The following ADGRE2 variants were observed in gnomAD, a reference collection of about 807,000 sequenced individuals.
The protein encoded by ADGRE2 is adhesion G protein-coupled receptor E2, also known as CD97 antigen.
Under a neutral mutation model 100.8 loss-of-function variants are expected in ADGRE2, and 83 were observed. That is an observed-to-expected ratio of 0.82 (90% CI 0.69 to 0.99). The LOEUF is 0.99. Among genes scored for constraint, ADGRE2 ranks in the 50% least tolerant of loss-of-function variants. The pLI is 0.00. For synonymous variants in ADGRE2, 355 were observed against 413.0 expected (o/e 0.86, Z 1.70); for missense variants, 814 against 1,035.7 (o/e 0.79, Z 2.94).
chr19:14,751,557 T>C lies in ADGRE2; in HGVS notation c.1903A>G (p.Asn635Asp). 1 of 1,614,046 alleles carries C rather than the reference T, an allele frequency of 6.2e-7. No individual in the cohort carries two copies. The highest frequency in any genetic ancestry group is 8.5e-7 in the Non-Finnish European group (1 of 1,179,994). ...FLTARNLTVV[N>D]YSSINRFMKK... ...ATGAATCTGTTGATGCTTGAGTAGTTGACCACCGTCAGGTTCCGTGCAGTG... is the reference window on the plus strand; with the variant it reads ...ATGAATCTGTTGATGCTTGAGTAGTCGACCACCGTCAGGTTCCGTGCAGTG... Residue 635 changes from asparagine (N) to aspartate (D), a missense_variant, in exon 16 of 21, where the codon AAC (asparagine) becomes GAC (aspartate). By Grantham distance (23) the Asn-to-Asp change is conservative (BLOSUM62 1). Around this residue, in one of 5 missense-constraint regions of ADGRE2, gnomAD observed 569 missense variants for 692.7 expected, o/e 0.82. Coordinates refer to ENST00000315576, the MANE Select transcript of ADGRE2 (RefSeq NM_013447.4).
rs1599790958 is a variant in ADGRE2 at position 14,743,413 on chromosome 19, A to C, written c.2463+7T>G. 6.2e-7 allele frequency: 1 copy of C among 1,612,654 alleles called. No homozygotes were observed. Among genetic ancestry groups the C allele is most frequent in the Non-Finnish European group, 8.5e-7 (1 of 1,178,706 alleles). On this transcript the variant is annotated splice_region_variant and intron_variant, in intron 20 of 20. Transcript: ENST00000315576. ...GTGAAGTGCTCTGGAGCAATGCGTG[A>C]TCTTACCGTGCTGGGTTTGGAGGTG...
Position 14,766,228 on chromosome 19 carries a change from T to G in ADGRE2, c.634+7A>C, listed in dbSNP as rs200384301. 6.2e-7 allele frequency: 1 copy of G among 1,613,996 alleles called. No individual in the cohort carries two copies. The highest frequency in any genetic ancestry group is 8.5e-7 in the Non-Finnish European group (1 of 1,179,988). ...GTCTCTGGGAACGTGGGATCTGAGC[T>G]CTCGACCTTCACAGACGGTATTGTT... On this transcript the variant is annotated splice_region_variant and intron_variant, in intron 7 of 20. Transcript: ENST00000315576.
At position 14,743,525 on chromosome 19, in the gene ADGRE2, C is replaced by T. The variant is rs750564560; in HGVS notation, c.2358G>A (p.Arg786=). The T allele has an allele frequency of 1.2e-6, 2 of 1,614,146 alleles. No individual in the cohort carries two copies. The highest frequency in any genetic ancestry group is 1.7e-6 in the Non-Finnish European group (2 of 1,180,024). ...CTTTGGACCATTTCCCATATTGCTC[C>T]CGGACCTGCAGAGGCAAAGTGTGTA... The part of the protein sequence containing the change: ...LVYCLLSQQV[R]EQYGKWSKGI... The change falls in exon 20 of 21, where the codon CGG becomes CGA. Residue 786 remains arginine (R), a synonymous_variant. Coordinates refer to ENST00000315576, the MANE Select transcript of ADGRE2 (RefSeq NM_013447.4).
chr19:14,764,118 A>G (rs2043858097), intron 11 of ADGRE2, among the ~76,000 whole-genome samples: 1 of 151,704 alleles, frequency 6.6e-6, no homozygotes, highest in Admixed American at 6.6e-5. Context: ...GCTGGAGTAC[A>G]GTGATGCAAT....
At chr19:14,736,735 A>AAT (rs199946316) in intron 20 of ADGRE2, among the ~76,000 whole-genome samples, 30 of 129,166 alleles carry the variant, frequency 2.3e-4, no homozygotes, top group African/African-American at 1.1e-3. Flanking sequence ...GATATTTAGA[A>AAT]ATATAGATAT....
chr19:14,772,971 C>T (rs375880620), intron 4 of ADGRE2, among the ~76,000 whole-genome samples: 7 of 148,546 alleles, frequency 4.7e-5, no homozygotes, highest in African/African-American at 7.4e-5. Flanking sequence ...CCCAGCTACT[C>T]GGGAGGCTGA....
At chr19:14,737,245 T>C (rs1349246449) in intron 20 of ADGRE2, among the ~76,000 whole-genome samples, 1 of 151,790 alleles carries the variant, frequency 6.6e-6, no homozygotes, top group Non-Finnish European at 1.5e-5. Flanking sequence ...TGGAGTGCAG[T>C]GGCACCATCT....
At chr19:14,775,860 G>GAAAAAAAAAAAAAAAA (rs3057586) in intron 2 of ADGRE2, among the ~76,000 whole-genome samples, 1 of 107,914 alleles carries the variant, frequency 9.3e-6, no homozygotes, top group African/African-American at 3.6e-5. Context: ...CTCCGCCTCA[G>GAAAAAAAAAAAAAAAA]AAAAAAAAAA....
In ADGRE2 at chr19:14,755,826, G is replaced by A. The variant is rs776535483; in HGVS notation, c.1244C>T (p.Ala415Val). 8 of 1,614,076 alleles carry A rather than the reference G, an allele frequency of 5.0e-6. No homozygotes were observed. The highest frequency in any genetic ancestry group is 6.8e-6 in the Non-Finnish European group (8 of 1,180,056). ...AGGTTCCAGGACCAGAGGGGCCTCAGCCAGCAACTTGCCCATCCCTGGAAT... is the reference window on the plus strand; with the variant it reads ...AGGTTCCAGGACCAGAGGGGCCTCAACCAGCAACTTGCCCATCCCTGGAAT... ...VSIPGMGKLL[A>V]EAPLVLEPEK... Residue 415 changes from alanine (A) to valine (V), a missense_variant, in exon 13 of 21, where the codon GCT becomes GTT. This residue lies in a region of ADGRE2 where 569 missense variants were observed against 692.7 expected (regional missense o/e 0.82). Transcript: ENST00000315576.
intron 14 of ADGRE2, among the ~76,000 whole-genome samples, chr19:14,752,882 G>A (rs536629667): frequency 2.6e-5 from 4 of 151,682 alleles, no homozygotes; most frequent in South Asian, 4.2e-4. Context: ...AGCGATTCTC[G>A]TGTCTCAGCC....
Position 14,752,523 on chromosome 19 carries a change from C to T in ADGRE2, c.1594G>A (p.Glu532Lys). ...GTGATGACAGTCAGCACGGGATCCT[C>T]CTCCTGGGACCCGGAAAAGAAGAGT... The part of the protein sequence containing the change: ...VLMAHYDVQE[E>K]DPVLTVITYM... The change falls in exon 15 of 21, where the codon GAG becomes AAG. Residue 532 changes from glutamate to lysine, a missense_variant. Transcript: ENST00000315576. 2 of 1,613,964 alleles carry T rather than the reference C, an allele frequency of 1.2e-6. No individual in the cohort carries two copies. The highest frequency in any genetic ancestry group is 1.7e-6 in the Non-Finnish European group (2 of 1,179,910).
At chr19:14,738,470 C>A (rs147366663) in intron 20 of ADGRE2, among the ~76,000 whole-genome samples, 2 of 152,170 alleles carry the variant, frequency 1.3e-5, no homozygotes, top group African/African-American at 4.8e-5. Flanking sequence ...ACTTGACCTC[C>A]TGGGCTCAAG....
downstream of ADGRE2, chr19:14,731,489 A>G: frequency 2.6e-6 from 1 of 384,574 alleles, no homozygotes; most frequent in Non-Finnish European, 4.7e-6. Context: ...AGATGCAGAA[A>G]GGGGGAAAAC....
intron 11 of ADGRE2, among the ~76,000 whole-genome samples, chr19:14,762,074 A>C (rs909538643): frequency 2.6e-5 from 4 of 152,082 alleles, no homozygotes; most frequent in African/African-American, 7.2e-5. Context: ...CCAGAAAACA[A>C]CACCACTTCA....
the ADGRE2 span, among the ~76,000 whole-genome samples, chr19:14,725,951 G>A: frequency 1.3e-5 from 2 of 152,190 alleles, no homozygotes; most frequent in South Asian, 4.1e-4. Flanking sequence ...TCTTGTGGGG[G>A]TACGGGGGAA....
intron 11 of ADGRE2, among the ~76,000 whole-genome samples, chr19:14,763,303 A>C (rs1453928850): frequency 3.3e-5 from 5 of 152,046 alleles, no homozygotes; most frequent in African/African-American, 4.8e-5. Flanking sequence ...AGATCACGTC[A>C]CTGCTCTCCA....
chr19:14,775,860 GA>G (rs3057586), intron 2 of ADGRE2, among the ~76,000 whole-genome samples: 3,030 of 107,840 alleles, frequency 0.028, 114 homozygotes, highest in African/African-American at 0.09. Flanking sequence ...CTCCGCCTCA[GA>G]AAAAAAAAAA....
At position 14,752,360 on chromosome 19, in the gene ADGRE2, AAG is replaced by A. The variant is rs534018804; in HGVS notation, c.1755_1756del (p.Phe586ProfsTer5). 6.6e-4 allele frequency: 1,058 copies of A among 1,614,112 alleles called. 9 individuals are homozygous for A. In the South Asian group the frequency reaches 0.011, roughly 17 times the overall value. ...TCCGGTTTGATCAATTGCCACGAGGAAGAGGAGGTGGGCCAGGAAGAGGCAGA... is the reference window on the plus strand; with the variant it reads ...TCCGGTTTGATCAATTGCCACGAGGAAGGAGGTGGGCCAGGAAGAGGCAGA... On this transcript the variant is annotated frameshift_variant, in exon 15 of 21. Coordinates refer to ENST00000315576, the MANE Select transcript of ADGRE2 (RefSeq NM_013447.4). LOFTEE classifies it high-confidence loss of function.
intron 20 of ADGRE2, 138 bp from the exon 21 acceptor site, chr19:14,736,382 C>T: frequency 1.8e-6 from 1 of 555,248 alleles, no homozygotes; most frequent in Non-Finnish European, 3.2e-6. Context: ...CTGTCTCAGC[C>T]TCCAGAGTAG....
Sources: allele counts gnomAD v4.1 joint callset (sites outside exome capture counted in the v4.1 genomes callset), GRCh38; gene constraint gnomAD v4.1.1; regional missense constraint gnomAD v4.1.1; transcripts MANE v1.5; gene names NCBI Gene and HGNC (gene_info 2026-07-23, HGNC 2026-07-21).